GNA14: variants seen among roughly 807,000 people sequenced by gnomAD.
GNA14 encodes the protein G protein subunit alpha 14.
In GNA14, 50 loss-of-function variants were observed where a neutral mutation model predicts 42.0. That is an observed-to-expected ratio of 1.19 (90% CI 0.95 to 1.51). GNA14 has a LOEUF of 1.51. GNA14 is among the 40% of genes most tolerant of loss of function. The pLI is 0.00. For missense variants in GNA14, 473 were observed against 446.2 expected (o/e 1.06, Z -0.54); for synonymous variants, 173 against 163.1 (o/e 1.06, Z -0.46).
At chr9:77,647,088 C>T (rs2118050615) in intron 1 of GNA14, among the ~76,000 whole-genome samples, 1 of 152,322 alleles carries the variant, frequency 6.6e-6, no homozygotes, top group South Asian at 2.1e-4. Flanking sequence ...GGGCTTCACC[C>T]CCACAGCTGA....
At chr9:77,586,776 T>C (rs1823310739) in intron 1 of GNA14, among the ~76,000 whole-genome samples, 1 of 152,294 alleles carries the variant, frequency 6.6e-6, no homozygotes, top group African/African-American at 2.4e-5. Flanking sequence ...ATTATGCAGA[T>C]AGGTTCTCTA....
At chr9:77,445,617 C>T (rs77689404) in intron 2 of GNA14, among the ~76,000 whole-genome samples, 5,608 of 151,600 alleles carry the variant, frequency 0.037, 137 homozygotes, top group Middle Eastern at 0.056. Context: ...GTGGTACGCG[C>T]CTGTAGTCTC....
chr9:77,517,445 A>G (rs1837275012), intron 2 of GNA14: 1 of 152,046 alleles, frequency 6.6e-6, no homozygotes, highest in African/African-American at 2.4e-5. Context: ...AAAAATAGGT[A>G]TAAAGTGCCA....
At chr9:77,588,271 C>G (rs1384325790) in intron 1 of GNA14, among the ~76,000 whole-genome samples, 1 of 152,176 alleles carries the variant, frequency 6.6e-6, no homozygotes, top group Non-Finnish European at 1.5e-5. Context: ...ACCCTGACAC[C>G]CCTTCAGTGA....
At chr9:77,490,808 G>C (rs1035337183) in intron 2 of GNA14, among the ~76,000 whole-genome samples, 1 of 152,218 alleles carries the variant, frequency 6.6e-6, no homozygotes. Context: ...TCTGGCCTTG[G>C]CCAGCCCAGA....
At chr9:77,439,308 G>A (rs1218807173) in intron 2 of GNA14, among the ~76,000 whole-genome samples, 1 of 152,182 alleles carries the variant, frequency 6.6e-6, no homozygotes, top group African/African-American at 2.4e-5. Context: ...TGAAATGAAT[G>A]ACTTTCTGTA....
intron 1 of GNA14, among the ~76,000 whole-genome samples, chr9:77,582,433 G>A (rs190039248): frequency 6.6e-5 from 10 of 152,098 alleles, no homozygotes; most frequent in African/African-American, 2.2e-4. Context: ...AACACTGACC[G>A]CCAGGATAGA....
chr9:77,515,971 A>AAAAAAAAAAAAAAAAAAAAC (rs1554693936), intron 2 of GNA14, among the ~76,000 whole-genome samples: 1 of 147,206 alleles, frequency 6.8e-6, no homozygotes, highest in Non-Finnish European at 1.5e-5. Context: ...AAAAAAAAAA[A>AAAAAAAAAAAAAAAAAAAAC]AAAAAAAAAA....
chr9:77,431,487 G>A (rs2131689516), intron 3 of GNA14, 38 bp from the exon 4 acceptor site: 2 of 1,572,428 alleles, frequency 1.3e-6, no homozygotes, highest in East Asian at 2.3e-5. Flanking sequence ...TCTCCTTTTA[G>A]AGCAGGGGGA....
At chr9:77,641,085 GGGAGGGGAGGGGGGGGAA>G (rs1824252672) in intron 1 of GNA14, among the ~76,000 whole-genome samples, 1 of 39,272 alleles carries the variant, frequency 2.5e-5, no homozygotes, top group African/African-American at 1.9e-4. Context: ...GGGAGGGGAG[GGGAGGGGAGGGGGGGGAA>G]GGAAGGAAGG....
At chr9:77,441,517 T>C (rs1002703161) in intron 2 of GNA14, among the ~76,000 whole-genome samples, 1 of 152,230 alleles carries the variant, frequency 6.6e-6, no homozygotes, top group South Asian at 2.1e-4. Context: ...ATACACTTAT[T>C]ATAGATAATA....
At chr9:77,548,022 A>G (rs1837741246) in intron 1 of GNA14, among the ~76,000 whole-genome samples, 1 of 152,210 alleles carries the variant, frequency 6.6e-6, no homozygotes, top group African/African-American at 2.4e-5. Context: ...TCTTTGAGAC[A>G]TTGGTGAACT....
chr9:77,423,949 C>T lies in GNA14; in HGVS notation c.*30G>A, dbSNP rs768058027. The stretch of plus-strand genomic sequence containing the variant: ...ACAAGGAGTTTGCAAATCACATCTT[C>T]TGTTATAGGGGAGGAGTGGGCAGCA... On this transcript the variant is annotated 3_prime_UTR_variant, in exon 7 of 7. Transcript: ENST00000341700. 2.7e-6 allele frequency: 4 copies of T among 1,484,672 alleles called. No homozygotes were observed. In the South Asian group the frequency reaches 4.1e-5, roughly 15 times the overall value. The allele number at this position is 1,484,672 out of a possible 1,614,324, so 92.0% of individuals were successfully genotyped here.
rs534316741 is a variant in GNA14, at chr9:77,626,122, C to T, written c.124+21548G>A. ...TCTGATAAAACAGACTTTAAATCAA[C>T]GAAGATCAAAAGAGACAAATAAGGG... On this transcript the variant is annotated intron_variant, in intron 1 of 6. Transcript: ENST00000341700. 6.6e-5 allele frequency among the ~76,000 whole-genome samples: 10 copies of T among 151,178 alleles called. No homozygotes were observed. In the East Asian group the frequency reaches 1.6e-3, roughly 23 times the overall value.
chr9:77,574,354 G>T (rs936728890), intron 1 of GNA14, among the ~76,000 whole-genome samples: 1 of 152,192 alleles, frequency 6.6e-6, no homozygotes, highest in African/African-American at 2.4e-5. Context: ...TAAAGAAGTT[G>T]TTTGTGTGGT....
At chr9:77,614,328 C>A (rs1439625200) in intron 1 of GNA14, among the ~76,000 whole-genome samples, 1 of 152,072 alleles carries the variant, frequency 6.6e-6, no homozygotes, top group Admixed American at 6.6e-5. Context: ...TAGACACATA[C>A]TCCTTCCATC....
At position 77,431,433 on chromosome 9, in the gene GNA14, C is replaced by G. The variant is rs1384239573; in HGVS notation, c.481G>C (p.Asp161His). The G allele has an allele frequency of 6.2e-7, 1 of 1,613,194 alleles. No individual in the cohort carries two copies. The highest frequency in any genetic ancestry group is 8.5e-7 in the Non-Finnish European group (1 of 1,179,424). ...ACGAATGATGGTGTGGCGATGCGGTCAATGTCAGTCAGGTAACTGTATATT... is the reference window on the plus strand; with the variant it reads ...ACGAATGATGGTGTGGCGATGCGGTGAATGTCAGTCAGGTAACTGTATATT... ...DSAKYYLTDIDRIATPSFVPT... is the reference protein window; with the variant it reads ...DSAKYYLTDIHRIATPSFVPT... Residue 161 changes from aspartate to histidine, a missense_variant, in exon 4 of 7, where the codon GAC (aspartate) becomes CAC (histidine). Asp to His is a moderately conservative substitution (Grantham distance 81). Coordinates refer to ENST00000341700, the MANE Select transcript of GNA14 (RefSeq NM_004297.4).
At chr9:77,560,376 C>T (rs942722086) in intron 1 of GNA14, among the ~76,000 whole-genome samples, 1 of 150,438 alleles carries the variant, frequency 6.6e-6, no homozygotes, top group Non-Finnish European at 1.5e-5. Context: ...GCAGCCTCTG[C>T]CTCCCAGGCT....
intron 1 of GNA14, among the ~76,000 whole-genome samples, chr9:77,550,972 T>C (rs1837779656): frequency 6.6e-6 from 1 of 152,214 alleles, no homozygotes; most frequent in Non-Finnish European, 1.5e-5. Context: ...CAGTATGGAA[T>C]TGAAAATACA....
Sources: allele counts gnomAD v4.1 joint callset (sites outside exome capture counted in the v4.1 genomes callset), GRCh38; gene constraint gnomAD v4.1.1; transcripts MANE v1.5; gene names NCBI Gene and HGNC (gene_info 2026-07-23, HGNC 2026-07-21).